The following ARID4A variants were observed in gnomAD, a reference collection of about 807,000 sequenced individuals.
ARID4A encodes AT-rich interactive domain-containing protein 4A.
Under a neutral mutation model 148.6 loss-of-function variants are expected in ARID4A, and 39 were observed. That is an observed-to-expected ratio of 0.26 (90% CI 0.20 to 0.34). The LOEUF (loss-of-function observed/expected upper bound fraction) is 0.34, where lower values mean the gene tolerates loss of function less well. Among genes scored for constraint, ARID4A ranks in the 10% least tolerant of loss-of-function variants. The probability of loss-of-function intolerance (pLI) is 1.00; values close to 1 mark genes in which losing one functional copy is unlikely to be tolerated. For missense variants in ARID4A, 1,265 were observed against 1,449.1 expected (o/e 0.87, Z 2.06); for synonymous variants, 475 against 481.2 (o/e 0.99, Z 0.17).
In ARID4A at chr14:58,355,746, T is replaced by C. The variant is rs546810488; in HGVS notation, c.1853+1891T>C. Reference sequence around the variant, plus strand: ...CAACTTTCAGTCATTACATTTCCAGTTGCATCACATGATAGCCTTCTTTCT... The same window carrying C: ...CAACTTTCAGTCATTACATTTCCAGCTGCATCACATGATAGCCTTCTTTCT... On this transcript the variant is annotated intron_variant, in intron 17 of 23. Transcript: ENST00000355431. 3.3e-5 allele frequency among the ~76,000 whole-genome samples: 5 copies of C among 152,334 alleles called. No individual in the cohort carries two copies. In the South Asian group the frequency reaches 1.0e-3, roughly 32 times the overall value.
rs556683539 is a variant in ARID4A at position 58,340,789 on chromosome 14, CTG to C, written c.907-3902_907-3901del. On this transcript the variant is annotated intron_variant, in intron 11 of 23. Coordinates refer to ENST00000355431, the MANE Select transcript of ARID4A (RefSeq NM_002892.4). ...CGTGAGCCACCGTGCCCGGCCCCAC[CTG>C]TGTCTTAAGAACATCCTCAACTATT... Among the ~76,000 whole-genome samples, 635 of 152,290 alleles carry C rather than the reference CTG, an allele frequency of 4.2e-3. 9 individuals are homozygous for C. The highest frequency in any genetic ancestry group is 0.039 in the Admixed American group (589 of 15,282).
At chr14:58,362,489 C>G (rs1487415154) in intron 19 of ARID4A, among the ~76,000 whole-genome samples, 2 of 151,718 alleles carry the variant, frequency 1.3e-5, no homozygotes, top group African/African-American at 4.8e-5. Context: ...ACTCAGGAGG[C>G]TGAGGTGGGA....
chr14:58,337,277 C>G lies in ARID4A; in HGVS notation c.906+7108C>G, dbSNP rs2033883061. The stretch of plus-strand genomic sequence containing the variant: ...ATATATATATATATATAATTAAAAC[C>G]GAGGTTTAGAGAGGTTTCAGAATTT... On this transcript the variant is annotated intron_variant, in intron 11 of 23. Transcript: ENST00000355431. 5.1e-5 allele frequency among the ~76,000 whole-genome samples: 3 copies of G among 58,992 alleles called. 1 individual carries two copies. Among genetic ancestry groups the G allele is most frequent in the African/African-American group, 1.9e-4 (3 of 16,022 alleles). The allele number at this position is 58,992 out of a possible 152,430, so 38.7% of individuals were successfully genotyped here. A position where few individuals can be genotyped will look rare whatever the true frequency, so the allele number is the denominator to read the frequency against.
At chr14:58,336,272 G>A (rs1008929931) in intron 11 of ARID4A, among the ~76,000 whole-genome samples, 1 of 152,122 alleles carries the variant, frequency 6.6e-6, no homozygotes, top group African/African-American at 2.4e-5. Flanking sequence ...ACATATGTCT[G>A]TAAAGATTGT....
At chr14:58,317,624 CTTTTTTTT>C (rs71107933) in intron 5 of ARID4A, among the ~76,000 whole-genome samples, 1 of 69,888 alleles carries the variant, frequency 1.4e-5, no homozygotes, top group Non-Finnish European at 2.4e-5. Context: ...TTATATTTGT[CTTTTTTTT>C]TTTTTTTTTT....
rs553606377 is a variant in ARID4A, at chr14:58,342,015, A to G, written c.907-2680A>G. Reference sequence around the variant, plus strand: ...GCAGAGAAATTGCTATGAAAATGCCATGGACAGAGAAAGCAAACCGTGATA... The same window carrying G: ...GCAGAGAAATTGCTATGAAAATGCCGTGGACAGAGAAAGCAAACCGTGATA... On this transcript the variant is annotated intron_variant, in intron 11 of 23. Transcript: ENST00000355431. 9.2e-5 allele frequency among the ~76,000 whole-genome samples: 14 copies of G among 152,336 alleles called. No homozygotes were observed. In the East Asian group the frequency reaches 2.7e-3, roughly 29 times the overall value.
chr14:58,370,488 G>A (rs991682737), intron 23 of ARID4A, among the ~76,000 whole-genome samples: 10 of 151,910 alleles, frequency 6.6e-5, no homozygotes, highest in African/African-American at 2.4e-4. Flanking sequence ...GTAGAGATAG[G>A]GTTTCACCAT....
At chr14:58,323,957 T>C (rs561984817) in intron 8 of ARID4A, among the ~76,000 whole-genome samples, 139 of 139,352 alleles carry the variant, frequency 1.0e-3, no homozygotes, top group African/African-American at 3.1e-3. Context: ...CAGGTTGGAG[T>C]GCAGTGGCGC....
At chr14:58,303,723 T>C (rs1202395544) in intron 3 of ARID4A, 3 of 281,448 alleles carry the variant, frequency 1.1e-5, no homozygotes, top group Non-Finnish European at 1.5e-5. Flanking sequence ...AAATGCAAAT[T>C]TTCCCCACCC....
At chr14:58,339,236 C>G (rs1337345396) in intron 11 of ARID4A, among the ~76,000 whole-genome samples, 1 of 151,940 alleles carries the variant, frequency 6.6e-6, no homozygotes, top group Non-Finnish European at 1.5e-5. Context: ...CTGGCCCTCC[C>G]AAAGTGCTAG....
chr14:58,362,278 A>G (rs2035166004), intron 19 of ARID4A, among the ~76,000 whole-genome samples: 2 of 152,224 alleles, frequency 1.3e-5, no homozygotes, highest in Middle Eastern at 3.4e-3. Flanking sequence ...CTACCTCTGT[A>G]TACTTTTAAA....
intron 18 of ARID4A, 120 bp downstream of exon 18, chr14:58,359,336 T>TGGG: frequency 1.1e-6 from 1 of 892,268 alleles, no homozygotes; most frequent in South Asian, 1.9e-5. Flanking sequence ...GCAAGGTATA[T>TGGG]AGACCTCCCA....
chr14:58,329,275 G>T (rs1420061948), intron 9 of ARID4A, among the ~76,000 whole-genome samples: 1 of 152,128 alleles, frequency 6.6e-6, no homozygotes, highest in Non-Finnish European at 1.5e-5. Flanking sequence ...CTATCTGTAG[G>T]AGGATTGTAT....
chr14:58,349,369 G>A (rs919908554), intron 15 of ARID4A, among the ~76,000 whole-genome samples: 15 of 151,890 alleles, frequency 9.9e-5, no homozygotes, highest in African/African-American at 2.9e-4. Flanking sequence ...AAGTGCTGCC[G>A]GGCGCGGTGG....
intron 8 of ARID4A, among the ~76,000 whole-genome samples, chr14:58,327,583 T>G (rs1290354475): frequency 1.3e-5 from 2 of 152,172 alleles, no homozygotes; most frequent in Admixed American, 6.5e-5. Flanking sequence ...TGCCAAATTT[T>G]CATCACAGAT....
At chr14:58,310,222 G>GTT (rs558652152) in intron 5 of ARID4A, among the ~76,000 whole-genome samples, 114 of 146,976 alleles carry the variant, frequency 7.8e-4, no homozygotes, top group African/African-American at 2.8e-3. Flanking sequence ...GTTTTTTTTT[G>GTT]TTTTTTTTTG....
intron 2 of ARID4A, 21 bp downstream of exon 2, chr14:58,299,881 C>T (rs1317618296): frequency 6.2e-7 from 1 of 1,614,176 alleles, no homozygotes; most frequent in Non-Finnish European, 8.5e-7. Flanking sequence ...TCAACTCTGC[C>T]CCGATCCTCG....
At position 58,354,454 on chromosome 14, in the gene ARID4A, G is replaced by A. The variant is rs141692272; in HGVS notation, c.1853+599G>A. 5.1e-3 allele frequency among the ~76,000 whole-genome samples: 777 copies of A among 152,148 alleles called. 4 individuals are homozygous for A. Among genetic ancestry groups the A allele is most frequent in the Non-Finnish European group, 7.8e-3 (529 of 67,996 alleles). ...TCCCAGCACTTTGGGAGGTGGAGGC[G>A]GAAGGACTGCTTGAGGCCAGGAGTT... On this transcript the variant is annotated intron_variant, in intron 17 of 23. Coordinates refer to ENST00000355431, the MANE Select transcript of ARID4A (RefSeq NM_002892.4).
At chr14:58,361,527 C>G (rs1455079286) in intron 19 of ARID4A, among the ~76,000 whole-genome samples, 1 of 152,172 alleles carries the variant, frequency 6.6e-6, no homozygotes, top group Non-Finnish European at 1.5e-5. Flanking sequence ...TTTTCTTACA[C>G]TTATTCACAC....
Sources: allele counts gnomAD v4.1 joint callset (sites outside exome capture counted in the v4.1 genomes callset), GRCh38; gene constraint gnomAD v4.1.1; transcripts MANE v1.5; gene names NCBI Gene and HGNC (gene_info 2026-07-23, HGNC 2026-07-21).